The following TECPR1 variants were observed in gnomAD, a reference collection of about 807,000 sequenced individuals.
The protein encoded by TECPR1 is tectonin beta-propeller repeat-containing protein 1.
A neutral mutation model predicts 162.4 loss-of-function variants in TECPR1; 122 were observed. The ratio of observed to expected loss-of-function variants is 0.75; its 90% confidence interval spans 0.65 to 0.87. TECPR1 has a LOEUF of 0.87. TECPR1 is among the 40% of genes least tolerant of loss of function. The probability of loss-of-function intolerance (pLI) is 0.00; values close to 1 mark genes in which losing one functional copy is unlikely to be tolerated. For missense variants in TECPR1, 1,432 were observed against 1,618.2 expected, an observed-to-expected ratio of 0.88 and a Z score of 1.97; for synonymous variants, 642 against 670.6, an observed-to-expected ratio of 0.96 and a Z score of 0.66.
At position 98,217,448 on chromosome 7, in the gene TECPR1, G is replaced by A. The variant is rs1349878028; in HGVS notation, c.3440C>T (p.Ser1147Leu). 8.7e-6 allele frequency: 14 copies of A among 1,609,834 alleles called. No homozygotes were observed. The Admixed American group carries it at 1.0e-4, about 12-fold the overall frequency. The change falls in exon 26 of 26, where the codon TCG (serine) becomes TTG (leucine). Residue 1147 changes from serine (S) to leucine (L), a missense_variant. Physicochemically the swap from Ser to Leu is moderately radical, Grantham distance 145. Transcript: ENST00000447648. ...RANATRAPRS[S>L]SQEQEPSAPP... ...GGCACTCGGCTCCTGCTCCTGGGAC[G>A]AGCTCCGGGGGGCCCTGGTGGCATT... is the stretch of plus-strand genomic sequence containing the variant.
intron 6 of TECPR1, among the ~76,000 whole-genome samples, chr7:98,242,964 A>C (rs1798801579): frequency 5.9e-5 from 5 of 84,186 alleles, no homozygotes; most frequent in Admixed American, 1.5e-4. Flanking sequence ...ATCCATCCAC[A>C]CATCCACCCA....
At chr7:98,235,001 A>G (rs912702347) in intron 10 of TECPR1, among the ~76,000 whole-genome samples, 13 of 152,150 alleles carry the variant, frequency 8.5e-5, no homozygotes, top group Non-Finnish European at 1.8e-4. Context: ...GGTGTGAGCT[A>G]CCGCACCCAG....
intron 11 of TECPR1, 44 bp from the exon 12 acceptor site, chr7:98,233,016 C>T (rs777639771): frequency 3.4e-5 from 52 of 1,547,740 alleles, no homozygotes; most frequent in South Asian, 6.0e-5. Flanking sequence ...CTGTCCTGCC[C>T]GCAGCTGGGC....
Position 98,225,028 on chromosome 7 carries a change from G to T in TECPR1, c.2588C>A (p.Pro863His). 6.4e-7 allele frequency: 1 copy of T among 1,554,760 alleles called. No homozygotes were observed. Among genetic ancestry groups the T allele is most frequent in the East Asian group, 2.4e-5 (1 of 41,482 alleles). The change falls in exon 18 of 26, where the codon CCC becomes CAC. Residue 863 changes from proline (P) to histidine (H), a missense_variant. Physicochemically the swap from Pro to His is moderately conservative, Grantham distance 77. Transcript: ENST00000447648. Reference protein sequence around the residue: ...LQECTKAGTKPPSLQWAWVSD... With the variant: ...LQECTKAGTKHPSLQWAWVSD... The stretch of plus-strand genomic sequence containing the variant: ...CACCCAGGCCCACTGCAGGGACGGG[G>T]GCTTCGTGCCAGCCTTCGTGCACTC...
At position 98,222,539 on chromosome 7, in the gene TECPR1, G is replaced by C. The variant is rs767278735; in HGVS notation, c.2929-18C>G. On this transcript the variant is annotated intron_variant, in intron 21 of 25. Transcript: ENST00000447648. ...GAGGAGCCCTGGGGATAGCAAGGAG[G>C]GGCGCTGAGGTCACCAGGGCCCCCA... 14 of 1,560,272 alleles carry C rather than the reference G, an allele frequency of 9.0e-6. No individual in the cohort carries two copies. The highest frequency in any genetic ancestry group is 1.2e-5 in the Non-Finnish European group (14 of 1,153,706).
chr7:98,243,600 A>G lies in TECPR1; in HGVS notation c.532-8T>C, dbSNP rs2116622060. ...GTCATCCTTCGAGGGGATCTGAAGG[A>G]AGGAAGTGAGAAATGGTAGCAGTCA... is the stretch of plus-strand genomic sequence containing the variant. On this transcript the variant is annotated splice_polypyrimidine_tract_variant and splice_region_variant and intron_variant, in intron 5 of 25. Coordinates refer to ENST00000447648, the MANE Select transcript of TECPR1 (RefSeq NM_015395.3). 1 of 1,610,586 alleles carries G rather than the reference A, an allele frequency of 6.2e-7. No individual in the cohort carries two copies. Among genetic ancestry groups the G allele is most frequent in the East Asian group, 2.2e-5 (1 of 44,802 alleles).
chr7:98,231,395 G>C (rs746403055), intron 13 of TECPR1, 22 bp from the exon 14 acceptor site: 1 of 1,574,842 alleles, frequency 6.3e-7, no homozygotes, highest in Non-Finnish European at 8.6e-7. Flanking sequence ...ACAGGCGCCC[G>C]GCAGGGCTGT....
intron 25 of TECPR1, 64 bp from the exon 26 acceptor site, chr7:98,217,567 C>G: frequency 3.9e-6 from 6 of 1,543,400 alleles, no homozygotes; most frequent in Non-Finnish European, 5.3e-6. Flanking sequence ...GGGGATCTGC[C>G]TGGGGGCCTC....
chr7:98,238,641 T>C, intron 8 of TECPR1, 31 bp from the exon 9 acceptor site: 1 of 1,524,608 alleles, frequency 6.6e-7, no homozygotes, highest in Non-Finnish European at 8.9e-7. Context: ...CATGCCTTCC[T>C]GGAGGGCCAC....
rs1797968517 is a variant in TECPR1 at position 98,214,979 on chromosome 7, CGAG to C, written c.*2408_*2410del. 6.6e-6 allele frequency: 1 copy of C among 152,418 alleles called. No individual in the cohort carries two copies. The highest frequency in any genetic ancestry group is 2.1e-4 in the South Asian group (1 of 4,834). The allele number at this position is 152,418 out of a possible 1,614,324, so 9.4% of individuals were successfully genotyped here. ...TCTCGCTTCAGGGTGTCCAGTGTTT[CGAG>C]GAGGAGAGGGGACAGGGGCCAGGTC... On this transcript the variant is annotated 3_prime_UTR_variant, in exon 26 of 26. Coordinates refer to ENST00000447648, the MANE Select transcript of TECPR1 (RefSeq NM_015395.3).
intron 6 of TECPR1, among the ~76,000 whole-genome samples, chr7:98,242,269 C>T (rs935484634): frequency 2.3e-4 from 35 of 152,282 alleles, no homozygotes; most frequent in Admixed American, 8.5e-4. Flanking sequence ...CAACAGAAAG[C>T]CATGACTCGA....
intron 6 of TECPR1, among the ~76,000 whole-genome samples, chr7:98,242,155 G>A (rs1489886581): frequency 2.6e-5 from 4 of 152,214 alleles, no homozygotes; most frequent in Non-Finnish European, 5.9e-5. Context: ...CAACGTGGCC[G>A]CAGAGGGGGG....
chr7:98,232,937 T>G lies in TECPR1; in HGVS notation c.1708A>C (p.Ile570Leu), dbSNP rs376229531. Residue 570 changes from isoleucine to leucine, a missense_variant, in exon 12 of 26, where the codon ATC becomes CTC. Physicochemically the swap from Ile to Leu is conservative, Grantham distance 5 (BLOSUM62 2). Transcript: ENST00000447648. The surrounding 1 kb of genome is among the most constrained non-coding windows in gnomAD (Gnocchi z 4.6). ...SSSVHMLSLS[I>L]TPAQTAAWRK... ...CAGGCAGCGGTCTGGGCCGGCGTGA[T>G]GGACAGGGACAGCATGTGTACCGAG... The G allele has an allele frequency of 2.5e-6, 4 of 1,612,406 alleles. No homozygotes were observed. Among genetic ancestry groups the G allele is most frequent in the Non-Finnish European group, 3.4e-6 (4 of 1,179,758 alleles).
Position 98,231,574 on chromosome 7 carries a change from C to T in TECPR1, c.1975-201G>A, listed in dbSNP as rs1414495761. 2.6e-4 allele frequency: 135 copies of T among 527,756 alleles called. 1 individual carries two copies. The highest frequency in any genetic ancestry group is 2.1e-3 in the East Asian group (49 of 22,814). The allele number at this position is 527,756 out of a possible 1,614,324, so 32.7% of individuals were successfully genotyped here. On this transcript the variant is annotated intron_variant, in intron 13 of 25. Coordinates refer to ENST00000447648, the MANE Select transcript of TECPR1 (RefSeq NM_015395.3). ...CCATTTCTGTACCCCCTCCCCTGGG[C>T]ACCCCCATTTCTGTACTCCCTCTCC...
At chr7:98,237,800 ACT>A (rs1798639636) in intron 9 of TECPR1, among the ~76,000 whole-genome samples, 1 of 136,028 alleles carries the variant, frequency 7.4e-6, no homozygotes, top group Non-Finnish European at 1.6e-5. Context: ...ATAGGATCTC[ACT>A]CTGTCACCCA....
intron 5 of TECPR1, among the ~76,000 whole-genome samples, 156 bp downstream of exon 5, chr7:98,244,415 G>A (rs536951848): frequency 2.0e-5 from 3 of 152,308 alleles, no homozygotes; most frequent in Non-Finnish European, 2.9e-5. Flanking sequence ...ACGCAGTGTC[G>A]TGGTGTTCCC....
intron 10 of TECPR1, among the ~76,000 whole-genome samples, chr7:98,236,077 G>C (rs1014861842): frequency 1.3e-5 from 2 of 152,150 alleles, no homozygotes; most frequent in Non-Finnish European, 2.9e-5. Context: ...CCATGATGTG[G>C]ACACGCCCGC....
intron 10 of TECPR1, among the ~76,000 whole-genome samples, chr7:98,234,212 G>A (rs1798531909): frequency 6.6e-6 from 1 of 152,204 alleles, no homozygotes; most frequent in Non-Finnish European, 1.5e-5. Flanking sequence ...GGGTGCAGGG[G>A]CACAATCTCA....
At chr7:98,238,078 GT>G (rs796344394) in intron 9 of TECPR1, among the ~76,000 whole-genome samples, 6 of 149,828 alleles carry the variant, frequency 4.0e-5, no homozygotes, top group East Asian at 2.0e-4. Flanking sequence ...TGGCCGTGGT[GT>G]TTTTTTTTTA....
Sources: gnomAD v4.1 joint callset for allele counts (sites outside exome capture counted in the v4.1 genomes callset) on GRCh38, gnomAD v4.1.1 for gene constraint, Gnocchi (gnomAD v3.1) non-coding constraint, MANE v1.5 for transcripts, NCBI Gene and HGNC (gene_info 2026-07-23, HGNC 2026-07-21) for gene names.